DOCK10: variants seen among roughly 807,000 people sequenced by gnomAD.
DOCK10 encodes the protein dedicator of cytokinesis protein 10.
A neutral mutation model predicts 280.1 loss-of-function variants in DOCK10; 145 were observed. The observed-to-expected ratio is 0.52, with a 90% CI of 0.45 to 0.59. The LOEUF (loss-of-function observed/expected upper bound fraction) is 0.59, where lower values mean the gene tolerates loss of function less well. Ranked by LOEUF, DOCK10 falls within the 20% of genes least tolerant of loss-of-function variation. DOCK10 has a pLI of 0.00. For synonymous variants in DOCK10, 915 were observed against 942.2 expected (o/e 0.97, Z 0.53); for missense variants, 2,368 against 2,651.7 (o/e 0.89, Z 2.35).
In DOCK10 at chr2:224,765,683, A is replaced by G. The variant is rs1326141547; in HGVS notation, c.*38T>C. On this transcript the variant is annotated 3_prime_UTR_variant, in exon 56 of 56. Transcript: ENST00000258390. ...TCCCCGAGATTAGCTGCAAATTCAGAAAGTTCTCTTAGAGGTGGGTCTGAT... is the reference window on the plus strand; with the variant it reads ...TCCCCGAGATTAGCTGCAAATTCAGGAAGTTCTCTTAGAGGTGGGTCTGAT... The G allele has an allele frequency of 7.2e-7, 1 of 1,393,242 alleles. No individual in the cohort carries two copies. The highest frequency in any genetic ancestry group is 1.0e-6 in the Non-Finnish European group (1 of 994,982). 86.3% of individuals were successfully genotyped at this position (1,393,242 alleles called of 1,614,324 possible).
At chr2:225,011,469 C>T (rs1476864992) in intron 1 of DOCK10, among the ~76,000 whole-genome samples, 3 of 152,162 alleles carry the variant, frequency 2.0e-5, no homozygotes, top group Non-Finnish European at 2.9e-5. Context: ...TGAATATTGA[C>T]ATCAATGCCA....
At chr2:224,913,499 A>T (rs987712848) in intron 3 of DOCK10, among the ~76,000 whole-genome samples, 2 of 151,908 alleles carry the variant, frequency 1.3e-5, no homozygotes, top group Admixed American at 6.6e-5. Flanking sequence ...TTTATATGTG[A>T]GTGTGTGTGA....
intron 1 of DOCK10, among the ~76,000 whole-genome samples, chr2:224,934,636 G>T (rs1181776856): frequency 6.6e-6 from 1 of 152,190 alleles, no homozygotes; most frequent in Non-Finnish European, 1.5e-5. Context: ...ATGTATACAA[G>T]GATGGTGGGA....
chr2:224,966,100 C>T (rs1449531527), intron 1 of DOCK10, among the ~76,000 whole-genome samples: 4 of 152,186 alleles, frequency 2.6e-5, no homozygotes, highest in East Asian at 3.8e-4. Context: ...AACATGCAAG[C>T]GGGCACAACA....
chr2:224,866,091 A>G (rs1457650655), intron 11 of DOCK10, among the ~76,000 whole-genome samples: 2 of 152,198 alleles, frequency 1.3e-5, no homozygotes, highest in Non-Finnish European at 2.9e-5. Context: ...TGCAACTCAC[A>G]TGCCCCTTTC....
chr2:224,945,502 G>A (rs1446230057), intron 1 of DOCK10, among the ~76,000 whole-genome samples: 2 of 152,096 alleles, frequency 1.3e-5, no homozygotes, highest in Non-Finnish European at 2.9e-5. Context: ...ACACACTCCT[G>A]AGATAGAAAC....
chr2:225,013,301 C>T (rs1559958724), intron 1 of DOCK10, among the ~76,000 whole-genome samples: 2 of 152,146 alleles, frequency 1.3e-5, no homozygotes, highest in Non-Finnish European at 2.9e-5. Flanking sequence ...GGATGACAAG[C>T]ATCATCAAAA....
In DOCK10 at chr2:224,801,941, T is replaced by C; in HGVS notation, c.4368A>G (p.Leu1456=). 6.2e-7 allele frequency: 1 copy of C among 1,612,992 alleles called. No individual in the cohort carries two copies. The highest frequency in any genetic ancestry group is 1.3e-5 in the African/African-American group (1 of 74,972). ...GKNALSNPKL[L]QMLDNTMTSN... is the part of the protein sequence containing the mutation. ...TGGTCATGGTATTGTCTAACATCTG[T>C]AAGAGTTTGGGGTTAGAAAGTGCAT... Residue 1456 remains leucine (L), a synonymous_variant, in exon 40 of 56, where the codon TTA becomes TTG. Coordinates refer to ENST00000258390, the MANE Select transcript of DOCK10 (RefSeq NM_014689.3).
At chr2:224,856,219 T>G (rs1697132941) in intron 15 of DOCK10, among the ~76,000 whole-genome samples, 1 of 152,256 alleles carries the variant, frequency 6.6e-6, no homozygotes, top group African/African-American at 2.4e-5. Flanking sequence ...TTGCATTGTG[T>G]ATTCTAGGGT....
In DOCK10 at chr2:224,788,743, A is replaced by G. The variant is rs192369874; in HGVS notation, c.5418+321T>C. Among the ~76,000 whole-genome samples, 9 of 152,334 alleles carry G rather than the reference A, an allele frequency of 5.9e-5. No individual in the cohort carries two copies. In the East Asian group the frequency reaches 1.7e-3, roughly 29 times the overall value. ...ACCTGCATTTGTAAATAAACTTGCT[A>G]ATGCTTTTAGAAAGAAAGCTATGAT... is the stretch of plus-strand genomic sequence containing the variant. On this transcript the variant is annotated intron_variant, in intron 48 of 55. Coordinates refer to ENST00000258390, the MANE Select transcript of DOCK10 (RefSeq NM_014689.3).
rs138363420 is a variant in DOCK10, at chr2:224,887,311, G to A, written c.417-780C>T. 7.9e-3 allele frequency among the ~76,000 whole-genome samples: 1,191 copies of A among 151,296 alleles called. 8 individuals are homozygous for A. Among genetic ancestry groups the A allele is most frequent in the Non-Finnish European group, 0.012 (836 of 68,008 alleles). On this transcript the variant is annotated intron_variant, in intron 4 of 55. Transcript: ENST00000258390. ...ACCCTGAGAACCAGTCTGTACTGTG[G>A]CCACTAGGCTGTGTTGCTCCCTAAC...
intron 44 of DOCK10, among the ~76,000 whole-genome samples, chr2:224,795,590 G>A (rs562342431): frequency 6.6e-6 from 1 of 152,266 alleles, no homozygotes; most frequent in East Asian, 1.9e-4. Flanking sequence ...ATACTACCAA[G>A]GTCCTCAGAA....
At chr2:224,827,205 G>T (rs1265840844) in intron 27 of DOCK10, among the ~76,000 whole-genome samples, 1 of 151,034 alleles carries the variant, frequency 6.6e-6, no homozygotes, top group South Asian at 2.1e-4. Context: ...GGAGCTTGCA[G>T]TGAGCCGAGA....
chr2:224,783,993 G>A (rs1691550027), intron 50 of DOCK10, among the ~76,000 whole-genome samples: 1 of 152,084 alleles, frequency 6.6e-6, no homozygotes, highest in Admixed American at 6.6e-5. Context: ...ATAAAAAAGT[G>A]GTTGAATATA....
At chr2:224,899,410 T>C (rs191309180) in intron 3 of DOCK10, among the ~76,000 whole-genome samples, 5 of 152,220 alleles carry the variant, frequency 3.3e-5, no homozygotes, top group African/African-American at 9.7e-5. Context: ...AGTGTGAATA[T>C]AGCAGTTAAC....
intron 1 of DOCK10, among the ~76,000 whole-genome samples, chr2:225,029,225 G>A (rs1393117504): frequency 1.3e-5 from 2 of 152,170 alleles, no homozygotes; most frequent in Non-Finnish European, 2.9e-5. Context: ...AGGCTGGGGT[G>A]CAGTGGCACA....
chr2:224,925,522 T>C (rs947424514), intron 2 of DOCK10, among the ~76,000 whole-genome samples: 13 of 152,182 alleles, frequency 8.5e-5, no homozygotes, highest in Non-Finnish European at 1.3e-4. Flanking sequence ...ACTTTGAAAA[T>C]TGCACTGCCC....
chr2:224,994,908 G>C (rs904665064), intron 1 of DOCK10, among the ~76,000 whole-genome samples: 4 of 152,188 alleles, frequency 2.6e-5, no homozygotes, highest in Non-Finnish European at 5.9e-5. Context: ...TGTGCGTCAG[G>C]AATTCAGGAG....
rs952821153 is a variant in DOCK10 at position 224,792,372 on chromosome 2, C to A, written c.5311+602G>T. Among the ~76,000 whole-genome samples, 3 of 152,272 alleles carry A rather than the reference C, an allele frequency of 2.0e-5. No individual in the cohort carries two copies. The East Asian group carries it at 5.8e-4, about 29-fold the overall frequency. ...TATCTTGGCTCACTGCAACCTCCGC[C>A]TCCTGGGTTCAAGTGATTCTCCTGC... On this transcript the variant is annotated intron_variant, in intron 47 of 55. Transcript: ENST00000258390.
Sources: gnomAD v4.1 joint callset for allele counts (sites outside exome capture counted in the v4.1 genomes callset) on GRCh38, gnomAD v4.1.1 for gene constraint, MANE v1.5 for transcripts, NCBI Gene and HGNC (gene_info 2026-07-23, HGNC 2026-07-21) for gene names.